PPP2R2A: variants seen among roughly 807,000 people sequenced by gnomAD.
The protein encoded by PPP2R2A is serine/threonine-protein phosphatase 2A 55 kDa regulatory subunit B alpha isoform.
PPP2R2A carries 9 observed loss-of-function variants against 53.2 expected under a neutral mutation model. That is an observed-to-expected ratio of 0.17 (90% confidence interval 0.10 to 0.30). The LOEUF (loss-of-function observed/expected upper bound fraction) is 0.30. Ranked by LOEUF, PPP2R2A falls within the 10% of genes least tolerant of loss-of-function variation. PPP2R2A has a pLI of 1.00. For synonymous variants in PPP2R2A, 169 were observed against 174.2 expected, an observed-to-expected ratio of 0.97 and a Z score of 0.23; for missense variants, 235 against 534.6, an observed-to-expected ratio of 0.44 and a Z score of 5.53.
Position 26,362,706 on chromosome 8 carries a change from C to A in PPP2R2A, c.660C>A (p.Ala220=), listed in dbSNP as rs1457818132. 1 of 1,613,806 alleles carries A rather than the reference C, an allele frequency of 6.2e-7. No homozygotes were observed. The highest frequency in any genetic ancestry group is 2.2e-5 in the East Asian group (1 of 44,884). The change falls in exon 7 of 10, where the codon GCC becomes GCA. Residue 220 remains alanine, a synonymous_variant. Transcript: ENST00000380737. The surrounding 1 kb of genome is among the most constrained non-coding windows in gnomAD (Gnocchi z 4.4). ...RSFNIVDIKP[A]NMEELTEVIT... is the part of the protein sequence containing the mutation. Reference sequence around the variant, plus strand: ...TAGACATTGTGGATATCAAGCCTGCCAATATGGAAGAGCTAACAGAGGTGA... The same window carrying A: ...TAGACATTGTGGATATCAAGCCTGCAAATATGGAAGAGCTAACAGAGGTGA...
intron 2 of PPP2R2A, among the ~76,000 whole-genome samples, chr8:26,294,891 A>G (rs1189527266): frequency 6.6e-6 from 1 of 152,172 alleles, no homozygotes; most frequent in Non-Finnish European, 1.5e-5. Context: ...TTGGATCCTC[A>G]TCTGTTTCTT....
intron 2 of PPP2R2A, among the ~76,000 whole-genome samples, chr8:26,313,375 T>C (rs1802383285): frequency 6.6e-6 from 1 of 152,178 alleles, no homozygotes; most frequent in Non-Finnish European, 1.5e-5. Context: ...ACAGCTGTTT[T>C]TAAAAGCAAT....
rs568888425 is a variant in PPP2R2A at position 26,372,411 on chromosome 8, C to T, written c.*1998C>T. ...AGCTTGGTTGTATGTCTTGAGATAACACCACCAAACAGCTCTCAGAAATTC... is the reference window on the plus strand; with the variant it reads ...AGCTTGGTTGTATGTCTTGAGATAATACCACCAAACAGCTCTCAGAAATTC... On this transcript the variant is annotated 3_prime_UTR_variant, in exon 10 of 10. Coordinates refer to ENST00000380737, the MANE Select transcript of PPP2R2A (RefSeq NM_002717.4). The T allele has an allele frequency of 3.9e-5, 6 of 152,272 alleles. No individual in the cohort carries two copies. The highest frequency in any genetic ancestry group is 6.5e-5 in the Admixed American group (1 of 15,296). The allele number at this position is 152,272 out of a possible 1,614,324, so 9.4% of individuals were successfully genotyped here. A position where few individuals can be genotyped will look rare whatever the true frequency, so the allele number is the denominator to read the frequency against.
intron 2 of PPP2R2A, among the ~76,000 whole-genome samples, chr8:26,322,713 A>G (rs1040674351): frequency 6.6e-6 from 1 of 152,206 alleles, no homozygotes; most frequent in African/African-American, 2.4e-5. Context: ...ACTTACATAT[A>G]AAAGTAGGGG....
chr8:26,312,618 C>T (rs1416474377), intron 2 of PPP2R2A, among the ~76,000 whole-genome samples: 1 of 152,174 alleles, frequency 6.6e-6, no homozygotes, highest in Non-Finnish European at 1.5e-5. Flanking sequence ...CTTAAAAGAG[C>T]AGATTGCATC....
At chr8:26,368,476 A>T (rs1350058054) in intron 9 of PPP2R2A, among the ~76,000 whole-genome samples, 1 of 152,250 alleles carries the variant, frequency 6.6e-6, no homozygotes, top group African/African-American at 2.4e-5. Context: ...TGGCAAATAG[A>T]ACTGACAAGG....
intron 3 of PPP2R2A, among the ~76,000 whole-genome samples, chr8:26,343,005 C>G (rs548386796): frequency 3.3e-5 from 5 of 152,038 alleles, no homozygotes; most frequent in African/African-American, 9.6e-5. Context: ...TAGTGAAACC[C>G]TGTATCTAAT....
intron 2 of PPP2R2A, among the ~76,000 whole-genome samples, chr8:26,316,061 A>G (rs558126589): frequency 1.1e-4 from 17 of 151,742 alleles, no homozygotes; most frequent in Admixed American, 8.5e-4. Context: ...CTGGAGTACA[A>G]CGGTGCGACC....
rs1477698199 is a variant in PPP2R2A at position 26,362,324 on chromosome 8, G to A, written c.638-360G>A. Among the ~76,000 whole-genome samples, 7 of 149,028 alleles carry A rather than the reference G, an allele frequency of 4.7e-5. No individual in the cohort carries two copies. Among genetic ancestry groups the A allele is most frequent in the Admixed American group, 2.7e-4 (4 of 14,904 alleles). ...AGCCTGGCCAACATAGTGAAACCCC[G>A]TCTCTACTAAAAATACAAAAAAAAA... On this transcript the variant is annotated intron_variant, in intron 6 of 9. Coordinates refer to ENST00000380737, the MANE Select transcript of PPP2R2A (RefSeq NM_002717.4). The surrounding 1 kb of genome is among the most constrained non-coding windows in gnomAD (Gnocchi z 4.4).
At position 26,349,648 on chromosome 8, in the gene PPP2R2A, C is replaced by G. The variant is rs182486691; in HGVS notation, c.181-4820C>G. ...TATACACTGAAAAGTACATAAAATA[C>G]TAGCAGATTATTACATAGCAAACAT... On this transcript the variant is annotated intron_variant, in intron 3 of 9. Coordinates refer to ENST00000380737, the MANE Select transcript of PPP2R2A (RefSeq NM_002717.4). Among the ~76,000 whole-genome samples, 5 of 152,286 alleles carry G rather than the reference C, an allele frequency of 3.3e-5. No homozygotes were observed. In the East Asian group the frequency reaches 9.6e-4, roughly 29 times the overall value.
intron 2 of PPP2R2A, among the ~76,000 whole-genome samples, chr8:26,331,179 C>T (rs936369925): frequency 2.0e-5 from 3 of 152,184 alleles, no homozygotes; most frequent in Non-Finnish European, 2.9e-5. Context: ...TAACTCTCAC[C>T]ATGCTGTCTT....
chr8:26,359,077 G>A, intron 4 of PPP2R2A: 1 of 376,016 alleles, frequency 2.7e-6, no homozygotes, highest in South Asian at 2.0e-5. Context: ...AATGCTGTGA[G>A]AAGTCACTTC....
intron 3 of PPP2R2A, among the ~76,000 whole-genome samples, chr8:26,340,487 G>T (rs562910948): frequency 1.3e-5 from 2 of 152,116 alleles, no homozygotes; most frequent in African/African-American, 4.8e-5. Flanking sequence ...TTATTTTAAA[G>T]AAAAGTGTTT....
At chr8:26,336,239 C>T (rs1397642653) in intron 2 of PPP2R2A, among the ~76,000 whole-genome samples, 1 of 151,938 alleles carries the variant, frequency 6.6e-6, no homozygotes, top group Non-Finnish European at 1.5e-5. Context: ...GCCTGGGCAA[C>T]ATGGCAACAC....
intron 3 of PPP2R2A, among the ~76,000 whole-genome samples, chr8:26,345,588 AATGAC>A (rs771240221): frequency 3.3e-5 from 5 of 152,242 alleles, no homozygotes; most frequent in Non-Finnish European, 2.9e-5. Context: ...CCATCTCTGT[AATGAC>A]ATGACATGAC....
Position 26,371,896 on chromosome 8 carries a change from A to G in PPP2R2A, c.*1483A>G, listed in dbSNP as rs992614710. The G allele has an allele frequency of 6.6e-6, 1 of 152,192 alleles. No homozygotes were observed. Among genetic ancestry groups the G allele is most frequent in the Non-Finnish European group, 1.5e-5 (1 of 68,014 alleles). 9.4% of individuals were successfully genotyped at this position (152,192 alleles called of 1,614,324 possible). A position where few individuals can be genotyped will look rare whatever the true frequency, so the allele number is the denominator to read the frequency against. ...TTGCAGAAACTTTAATGGAGAAGAA[A>G]TGGACTTTATTTTTGAAAGGTGAAA... On this transcript the variant is annotated 3_prime_UTR_variant, in exon 10 of 10. Transcript: ENST00000380737.
At chr8:26,325,708 CT>C (rs1803054834) in intron 2 of PPP2R2A, among the ~76,000 whole-genome samples, 1 of 152,188 alleles carries the variant, frequency 6.6e-6, no homozygotes, top group South Asian at 2.1e-4. Context: ...CTTATGACCC[CT>C]CTTTGGCCTT....
In PPP2R2A at chr8:26,338,799, TGGAATGTTTG is replaced by T; in HGVS notation, c.83-86_83-77del. The T allele has an allele frequency of 2.5e-6, 2 of 789,968 alleles. No homozygotes were observed. The highest frequency in any genetic ancestry group is 4.1e-6 in the Non-Finnish European group (2 of 484,798). The allele number at this position is 789,968 out of a possible 1,614,324, so 48.9% of individuals were successfully genotyped here. On this transcript the variant is annotated intron_variant, in intron 2 of 9. Transcript: ENST00000380737. This position sits in a 1 kb window ranked among gnomAD's most constrained non-coding sequence, Gnocchi z 4.5. ...ACTTCAAAGATATACTTCATAGACT[TGGAATGTTTG>T]GGAAAACACGCTAAGTTCTGAAACT...
At chr8:26,339,080 T>C in intron 3 of PPP2R2A, 93 bp downstream of exon 3, 2 of 957,632 alleles carry the variant, frequency 2.1e-6, no homozygotes, top group South Asian at 3.0e-5. Flanking sequence ...GATGTTGGAA[T>C]TTTAAAAGAA....
Sources: allele counts gnomAD v4.1 joint callset (sites outside exome capture counted in the v4.1 genomes callset), GRCh38; gene constraint gnomAD v4.1.1; non-coding constraint Gnocchi (gnomAD v3.1); transcripts MANE v1.5; gene names NCBI Gene and HGNC (gene_info 2026-07-23, HGNC 2026-07-21).